CNTN5: variants seen among roughly 807,000 people sequenced by gnomAD.
CNTN5 encodes contactin-5.
A neutral mutation model predicts 129.1 loss-of-function variants in CNTN5; 77 were observed. The ratio of observed to expected loss-of-function variants is 0.60; its 90% CI spans 0.50 to 0.72. The LOEUF (loss-of-function observed/expected upper bound fraction) is 0.72, where lower values mean the gene tolerates loss of function less well. Ranked by LOEUF, CNTN5 falls within the 30% of genes least tolerant of loss-of-function variation. The pLI is 0.00. For synonymous variants in CNTN5, 509 were observed against 465.6 expected, an observed-to-expected ratio of 1.09 and a Z score of -1.20; for missense variants, 1,478 against 1,328.8, an observed-to-expected ratio of 1.11 and a Z score of -1.75.
intron 13 of CNTN5, among the ~76,000 whole-genome samples, chr11:100,121,053 T>G (rs548897037): frequency 6.6e-6 from 1 of 151,988 alleles, no homozygotes; most frequent in East Asian, 2.0e-4. Flanking sequence ...GGCATACAAA[T>G]GTATTGGATC....
At chr11:99,248,393 T>C (rs1372890913) in intron 1 of CNTN5, among the ~76,000 whole-genome samples, 2 of 152,194 alleles carry the variant, frequency 1.3e-5, no homozygotes, top group Non-Finnish European at 2.9e-5. Context: ...TTGCAAAACT[T>C]TTCTCCCTTT....
chr11:99,391,474 A>T (rs1304819179), intron 2 of CNTN5, among the ~76,000 whole-genome samples: 2 of 152,142 alleles, frequency 1.3e-5, no homozygotes, highest in Non-Finnish European at 2.9e-5. Flanking sequence ...GTCATATAGT[A>T]GCTAAGATTC....
intron 18 of CNTN5, among the ~76,000 whole-genome samples, chr11:100,285,054 T>C (rs892512553): frequency 6.6e-6 from 1 of 152,198 alleles, no homozygotes; most frequent in Non-Finnish European, 1.5e-5. Context: ...TTAAATAAGA[T>C]TTTTTAAATG....
intron 9 of CNTN5, among the ~76,000 whole-genome samples, chr11:100,045,175 A>C (rs1204892705): frequency 6.6e-6 from 1 of 152,070 alleles, no homozygotes; most frequent in East Asian, 1.9e-4. Flanking sequence ...AAGAAGATGT[A>C]AAGAAATTAA....
intron 21 of CNTN5, chr11:100,337,408 G>A (rs1952058427): frequency 2.6e-6 from 2 of 770,880 alleles, no homozygotes; most frequent in South Asian, 2.7e-5. Flanking sequence ...CAGCAATCCA[G>A]GGAAGAGTGA....
At chr11:100,068,379 A>C (rs1328127315) in intron 10 of CNTN5, among the ~76,000 whole-genome samples, 3 of 152,158 alleles carry the variant, frequency 2.0e-5, no homozygotes, top group African/African-American at 7.2e-5. Flanking sequence ...CTCTTACTTA[A>C]TTTAGAATAA....
intron 2 of CNTN5, among the ~76,000 whole-genome samples, chr11:99,538,602 C>T (rs1183981205): frequency 9.2e-5 from 14 of 151,998 alleles, no homozygotes; most frequent in Admixed American, 6.6e-4. Flanking sequence ...AATATCATTC[C>T]GCATGGCAGA....
chr11:99,031,960 C>A (rs1225409105), intron 1 of CNTN5, among the ~76,000 whole-genome samples: 1 of 136,380 alleles, frequency 7.3e-6, no homozygotes, highest in Admixed American at 8.3e-5. Flanking sequence ...TGTTCCCTTT[C>A]CTGTGTCCAT....
At chr11:99,992,797 G>A (rs918819664) in intron 8 of CNTN5, among the ~76,000 whole-genome samples, 5 of 152,164 alleles carry the variant, frequency 3.3e-5, no homozygotes, top group African/African-American at 1.2e-4. Context: ...GACAAAGAAG[G>A]AGAGTAATGT....
rs765570617 is a variant in CNTN5 at position 99,845,300 on chromosome 11, T to C, written c.577+38T>C. On this transcript the variant is annotated intron_variant, in intron 6 of 24. Transcript: ENST00000524871. The stretch of plus-strand genomic sequence containing the variant: ...TATGATTTTTCTATATATATGTATA[T>C]AGTGTGTATATACAGTATGGATTTT... 2.2e-6 allele frequency: 3 copies of C among 1,353,780 alleles called. No homozygotes were observed. In the African/African-American group the frequency reaches 4.4e-5, roughly 20 times the overall value. 83.9% of individuals were successfully genotyped at this position (1,353,780 alleles called of 1,614,324 possible).
At chr11:99,274,268 A>G (rs754635717) in intron 1 of CNTN5, among the ~76,000 whole-genome samples, 2 of 151,770 alleles carry the variant, frequency 1.3e-5, no homozygotes, top group African/African-American at 2.4e-5. Flanking sequence ...ATTTGAATCT[A>G]TGATATCGTG....
chr11:99,286,860 A>G (rs1863962055), intron 1 of CNTN5, among the ~76,000 whole-genome samples: 1 of 152,228 alleles, frequency 6.6e-6, no homozygotes, highest in African/African-American at 2.4e-5. Flanking sequence ...ACTACTCTTG[A>G]ACAATTTAAA....
intron 1 of CNTN5, among the ~76,000 whole-genome samples, chr11:99,130,186 G>T (rs771784510): frequency 6.6e-6 from 1 of 152,100 alleles, no homozygotes; most frequent in African/African-American, 2.4e-5. Flanking sequence ...ATAAAAAGGC[G>T]AGACCCATCA....
At chr11:100,307,299 CTG>C (rs1951374292) in intron 20 of CNTN5, among the ~76,000 whole-genome samples, 1 of 151,630 alleles carries the variant, frequency 6.6e-6, no homozygotes, top group Non-Finnish European at 1.5e-5. Context: ...GTACCAAAAT[CTG>C]TACCATTTTT....
At chr11:100,036,853 T>C (rs1309180924) in intron 9 of CNTN5, among the ~76,000 whole-genome samples, 2 of 147,270 alleles carry the variant, frequency 1.4e-5, no homozygotes, top group Non-Finnish European at 3.0e-5. Context: ...GCTTATCAGC[T>C]TGAGGAGGTT....
At chr11:99,790,798 A>G (rs531187589) in intron 3 of CNTN5, among the ~76,000 whole-genome samples, 36 of 152,262 alleles carry the variant, frequency 2.4e-4, no homozygotes, top group African/African-American at 8.2e-4. Flanking sequence ...GCAACATATA[A>G]GCCATCCCTT....
At chr11:99,866,959 T>C (rs1948372374) in intron 6 of CNTN5, among the ~76,000 whole-genome samples, 1 of 152,172 alleles carries the variant, frequency 6.6e-6, no homozygotes, top group East Asian at 1.9e-4. Flanking sequence ...GTATAGATAG[T>C]TGGAGGTTTT....
rs991772782 is a variant in CNTN5, at chr11:100,234,794, A to T, written c.2005+9982A>T. ...TTCTGCACATGTATCCCAGAATTTA[A>T]AAAAAAAAAAAAAAAAAAAAAAAGA... is the stretch of plus-strand genomic sequence containing the variant. On this transcript the variant is annotated intron_variant, in intron 16 of 24. Coordinates refer to ENST00000524871, the MANE Select transcript of CNTN5 (RefSeq NM_014361.4). Among the ~76,000 whole-genome samples, 771 of 125,198 alleles carry T rather than the reference A, an allele frequency of 6.2e-3. 4 individuals are homozygous for T. The highest frequency in any genetic ancestry group is 0.023 in the African/African-American group (568 of 24,718). The allele number at this position is 125,198 out of a possible 152,430, so 82.1% of individuals were successfully genotyped here.
chr11:100,116,686 C>G (rs11222833), intron 13 of CNTN5, among the ~76,000 whole-genome samples: 12,371 of 151,652 alleles, frequency 0.082, 630 homozygotes, highest in Non-Finnish European at 0.12. Context: ...AATATAATAT[C>G]TTTTTTCTTC....
Sources: allele counts gnomAD v4.1 joint callset (sites outside exome capture counted in the v4.1 genomes callset), GRCh38; gene constraint gnomAD v4.1.1; transcripts MANE v1.5; gene names NCBI Gene and HGNC (gene_info 2026-07-23, HGNC 2026-07-21).